Variants in CANX observed in about 807,000 individuals in gnomAD.
CANX encodes epididymis secretory sperm binding protein.
In CANX, 14 loss-of-function variants were observed where a neutral mutation model predicts 75.7. The ratio of observed to expected loss-of-function variants is 0.19; its 90% confidence interval spans 0.12 to 0.29. The LOEUF is 0.29. CANX is among the 10% of genes least tolerant of loss of function. CANX has a pLI of 1.00. For missense variants in CANX, 567 were observed against 713.2 expected, an observed-to-expected ratio of 0.79 and a Z score of 2.34; for synonymous variants, 227 against 236.9, an observed-to-expected ratio of 0.96 and a Z score of 0.38.
chr5:179,699,663 C>T (rs1776601694), intron 1 of CANX: 1 of 152,212 alleles, frequency 6.6e-6, no homozygotes, highest in South Asian at 2.1e-4. Context: ...AGTTACAGCA[C>T]CTATTCTGGA....
chr5:179,718,740 C>T (rs1398478376), intron 8 of CANX, among the ~76,000 whole-genome samples: 1 of 151,860 alleles, frequency 6.6e-6, no homozygotes, highest in East Asian at 1.9e-4. Flanking sequence ...GTTGGTCAGG[C>T]TGGTCTCAAA....
chr5:179,720,352 A>G, intron 9 of CANX, 52 bp from the exon 10 acceptor site: 1 of 1,504,378 alleles, frequency 6.6e-7, no homozygotes, highest in East Asian at 2.3e-5. Flanking sequence ...CCAGCTGTTC[A>G]TAGTCCTGCA....
At chr5:179,700,149 T>C (rs1229469174) in intron 1 of CANX, 1 of 152,138 alleles carries the variant, frequency 6.6e-6, no homozygotes, top group Non-Finnish European at 1.5e-5. Flanking sequence ...GTCACAGTTA[T>C]GGTGATAGAA....
chr5:179,698,661 G>C, upstream of CANX: 1 of 1,162,392 alleles, frequency 8.6e-7, no homozygotes, highest in Non-Finnish European at 1.1e-6. Flanking sequence ...CAACCGACGC[G>C]GGAACGCCTG....
At chr5:179,714,719 G>A (rs541092462) in intron 7 of CANX, among the ~76,000 whole-genome samples, 8 of 152,086 alleles carry the variant, frequency 5.3e-5, no homozygotes, top group South Asian at 2.1e-4. Flanking sequence ...GGGTTTCACC[G>A]TGTTAGCCAG....
At chr5:179,708,440 T>C (rs1777308613) in intron 5 of CANX, 60 bp downstream of exon 5, 8 of 1,491,754 alleles carry the variant, frequency 5.4e-6, no homozygotes, top group Admixed American at 1.9e-5. Flanking sequence ...GAAGACATTA[T>C]GTAACTTTTA....
chr5:179,700,821 A>G (rs1001345629), intron 1 of CANX: 2 of 152,078 alleles, frequency 1.3e-5, no homozygotes, highest in South Asian at 4.2e-4. Context: ...GTGAGCATGA[A>G]TTGCAGGCTC....
chr5:179,681,054 T>G, intron 1 of CANX: 2 of 723,772 alleles, frequency 2.8e-6, no homozygotes, highest in Middle Eastern at 3.9e-4. Context: ...TCTGACCCAC[T>G]CAGCTCTTGT....
chr5:179,719,211 A>G (rs1778155671), intron 8 of CANX, among the ~76,000 whole-genome samples: 1 of 152,214 alleles, frequency 6.6e-6, no homozygotes, highest in South Asian at 2.1e-4. Flanking sequence ...GAGCAGTACC[A>G]TTTTACTTTC....
intron 1 of CANX, chr5:179,699,914 A>T (rs1269983804): frequency 5.3e-5 from 8 of 152,296 alleles, no homozygotes; most frequent in African/African-American, 1.9e-4. Context: ...GAACTTCGGC[A>T]GTTTTCTTAC....
rs754945089 is a variant in CANX, at chr5:179,716,203, C to T, written c.820C>T (p.Arg274Cys). The change falls in exon 8 of 15, where the codon CGT becomes TGT. Residue 274 changes from arginine to cysteine, a missense_variant. By Grantham distance (180) the Arg-to-Cys change is radical. Coordinates refer to ENST00000247461, the MANE Select transcript of CANX (RefSeq NM_001746.4). The part of the protein sequence containing the change: ...NDMTPPVNPS[R>C]EIEDPEDRKP... Reference sequence around the variant, plus strand: ...CATGACTCCTCCTGTAAATCCTTCACGTGAAATTGAGGACCCAGAAGACCG... The same window carrying T: ...CATGACTCCTCCTGTAAATCCTTCATGTGAAATTGAGGACCCAGAAGACCG... 6 of 1,613,500 alleles carry T rather than the reference C, an allele frequency of 3.7e-6. No individual in the cohort carries two copies. The highest frequency in any genetic ancestry group is 3.3e-5 in the Admixed American group (2 of 59,992).
chr5:179,719,823 TG>T, intron 9 of CANX, 42 bp downstream of exon 9: 1 of 1,152,656 alleles, frequency 8.7e-7, no homozygotes, highest in African/African-American at 1.6e-5. Flanking sequence ...CTGGTTTTTT[TG>T]TTTGTTTTTT....
rs987279848 is a variant in CANX, at chr5:179,707,169, G to C, written c.283G>C (p.Asp95His). 6.3e-7 allele frequency: 1 copy of C among 1,597,064 alleles called. No homozygotes were observed. Among genetic ancestry groups the C allele is most frequent in the Non-Finnish European group, 8.6e-7 (1 of 1,164,614 alleles). The change falls in exon 4 of 15, where the codon GAT becomes CAT. Residue 95 changes from aspartate to histidine, a missense_variant. Asp to His is a moderately conservative substitution (Grantham distance 81). Coordinates refer to ENST00000247461, the MANE Select transcript of CANX (RefSeq NM_001746.4). ...LSKAKKDDTD[D>H]EIAKYDGKWE... ...CAAAGCCAAGAAAGACGATACCGAT[G>C]ATGAAATTGCCAAATATGATGGTGA...
Position 179,710,025 on chromosome 5 carries a change from G to C in CANX, c.681G>C (p.Lys227Asn). ...CTAAGAGGCCAGATGCAGATCTGAA[G>C]ACCTATTTTACTGATAAGAAAACAC... is the stretch of plus-strand genomic sequence containing the variant. ...KHAKRPDADL[K>N]TYFTDKKTHL... is the part of the protein sequence containing the mutation. The change falls in exon 7 of 15, where the codon AAG (lysine) becomes AAC (asparagine). Residue 227 changes from lysine to asparagine, a missense_variant. This residue lies in a region of CANX where 351 missense variants were observed against 433.8 expected (regional missense o/e 0.81). Coordinates refer to ENST00000247461, the MANE Select transcript of CANX (RefSeq NM_001746.4). The C allele has an allele frequency of 1.2e-6, 2 of 1,610,650 alleles. No homozygotes were observed. The highest frequency in any genetic ancestry group is 1.7e-6 in the Non-Finnish European group (2 of 1,178,266).
chr5:179,725,346 A>G (rs1170090958), intron 13 of CANX, among the ~76,000 whole-genome samples: 1 of 151,556 alleles, frequency 6.6e-6, no homozygotes, highest in Non-Finnish European at 1.5e-5. Flanking sequence ...TGTTGGGATT[A>G]CAGGCGTGAG....
Position 179,705,755 on chromosome 5 carries a change from A to G in CANX, c.74A>G (p.Asp25Gly). 1 of 1,610,348 alleles carries G rather than the reference A, an allele frequency of 6.2e-7. No individual in the cohort carries two copies. Among genetic ancestry groups the G allele is most frequent in the Non-Finnish European group, 8.5e-7 (1 of 1,176,588 alleles). ...ATTGTTGAGGCTCATGATGGACATG[A>G]TGATGATGTGATTGATATTGAGGAT... ...TAIVEAHDGH[D>G]DDVIDIEDDL... The change falls in exon 2 of 15, where the codon GAT becomes GGT. Residue 25 changes from aspartate to glycine, a missense_variant. Transcript: ENST00000247461.
chr5:179,697,448 C>A (rs1776436237), upstream of CANX, among the ~76,000 whole-genome samples: 1 of 152,208 alleles, frequency 6.6e-6, no homozygotes, highest in Non-Finnish European at 1.5e-5. Context: ...GTACCACAGT[C>A]TTTTGGCACT....
chr5:179,689,022 G>T (rs1776245882), intron 1 of CANX, among the ~76,000 whole-genome samples: 1 of 152,040 alleles, frequency 6.6e-6, no homozygotes, highest in South Asian at 2.1e-4. Flanking sequence ...GCCAAGGCGG[G>T]TGGATCACTT....
intron 1 of CANX, among the ~76,000 whole-genome samples, chr5:179,679,708 G>A (rs1776004925): frequency 6.6e-6 from 1 of 152,068 alleles, no homozygotes; most frequent in Non-Finnish European, 1.5e-5. Flanking sequence ...GCCCGAGCTG[G>A]AGTGCAATTG....
Sources: gnomAD v4.1 joint callset for allele counts (sites outside exome capture counted in the v4.1 genomes callset) on GRCh38, gnomAD v4.1.1 for gene constraint, gnomAD v4.1.1 regional missense constraint, MANE v1.5 for transcripts, NCBI Gene and HGNC (gene_info 2026-07-23, HGNC 2026-07-21) for gene names.